Variants in ASB5 observed in about 807,000 individuals in gnomAD.
ASB5 encodes ankyrin repeat and SOCS box containing 5, also known as ankyrin repeat and SOCS box protein 5.
A neutral mutation model predicts 42.1 loss-of-function variants in ASB5; 45 were observed. That is an observed-to-expected ratio of 1.07 (90% confidence interval 0.84 to 1.37). The LOEUF (loss-of-function observed/expected upper bound fraction) is 1.37. Among genes scored for constraint, ASB5 ranks in the 40% most tolerant of loss-of-function variants. ASB5 has a pLI of 0.00. For synonymous variants in ASB5, 147 were observed against 150.6 expected (o/e 0.98, Z 0.18); for missense variants, 402 against 399.8 (o/e 1.01, Z -0.05).
chr4:176,263,116 C>CT (rs1754294491), intron 1 of ASB5, among the ~76,000 whole-genome samples: 1 of 152,070 alleles, frequency 6.6e-6, no homozygotes, highest in Admixed American at 6.5e-5. Context: ...CTATTAGTTT[C>CT]GGAGAGTTCT....
chr4:176,242,379 T>TGCTCTTGG (rs1194498534), intron 1 of ASB5, among the ~76,000 whole-genome samples: 2 of 152,216 alleles, frequency 1.3e-5, no homozygotes, highest in African/African-American at 4.8e-5. Flanking sequence ...TAAAATTATC[T>TGCTCTTGG]GCTCTTGGAG....
Position 176,269,143 on chromosome 4 carries a change from A to C in ASB5, c.-35T>G. ...AGAATCTGCGGCGGTCTTTAGTTGG[A>C]TCCAAGTCTCAAATGTGCCTGGCTC... On this transcript the variant is annotated 5_prime_UTR_variant, in exon 1 of 7. Coordinates refer to ENST00000296525, the MANE Select transcript of ASB5 (RefSeq NM_080874.4). The C allele has an allele frequency of 6.3e-7, 1 of 1,584,276 alleles. No individual in the cohort carries two copies. The highest frequency in any genetic ancestry group is 8.6e-7 in the Non-Finnish European group (1 of 1,162,070).
At chr4:176,238,082 C>A (rs1753729460) in intron 1 of ASB5, among the ~76,000 whole-genome samples, 1 of 151,830 alleles carries the variant, frequency 6.6e-6, no homozygotes, top group Non-Finnish European at 1.5e-5. Flanking sequence ...ATTAGCTGGA[C>A]ATAGGGACGG....
At position 176,269,172 on chromosome 4, in the gene ASB5, T is replaced by A. The variant is rs530535530; in HGVS notation, c.-64A>T. ...AAGTCTCAAATGTGCCTGGCTCTCG[T>A]CCGGGATGCTCCTGAACAGCTGGTC... On this transcript the variant is annotated 5_prime_UTR_variant, in exon 1 of 7. Transcript: ENST00000296525. 3.6e-5 allele frequency: 53 copies of A among 1,461,946 alleles called. No individual in the cohort carries two copies. The East Asian group carries it at 1.2e-3, about 32-fold the overall frequency. The allele number at this position is 1,461,946 out of a possible 1,614,324, so 90.6% of individuals were successfully genotyped here.
chr4:176,230,004 G>A (rs756733861), intron 1 of ASB5, among the ~76,000 whole-genome samples: 1 of 152,140 alleles, frequency 6.6e-6, no homozygotes, highest in Non-Finnish European at 1.5e-5. Flanking sequence ...AAAGCTGAGG[G>A]GCTGGGCAGG....
intron 5 of ASB5, among the ~76,000 whole-genome samples, chr4:176,220,113 C>T (rs1156517198): frequency 1.3e-5 from 2 of 152,150 alleles, no homozygotes; most frequent in African/African-American, 4.8e-5. Flanking sequence ...CATCCTGGGC[C>T]GCATGGGGCC....
intron 1 of ASB5, among the ~76,000 whole-genome samples, chr4:176,245,971 A>C (rs2062136): frequency 0.74 from 111,689 of 151,690 alleles, 41,397 homozygotes; most frequent in African/African-American, 0.83. Flanking sequence ...GGGTGCAGCA[A>C]ACCAACATGG....
intron 5 of ASB5, among the ~76,000 whole-genome samples, chr4:176,219,533 AAT>A (rs1283385552): frequency 6.4e-5 from 3 of 47,206 alleles, no homozygotes; most frequent in South Asian, 6.5e-4. Context: ...ATGATATATA[AAT>A]ATATATATGT....
Position 176,215,709 on chromosome 4 carries a change from T to C in ASB5, c.881A>G (p.Tyr294Cys). Residue 294 changes from tyrosine to cysteine, a missense_variant, in exon 7 of 7, where the codon TAC becomes TGC. Physicochemically the swap from Tyr to Cys is radical, Grantham distance 194. Coordinates refer to ENST00000296525, the MANE Select transcript of ASB5 (RefSeq NM_080874.4). ...LQHEATPSSL[Y>C]QLCRLCIRSY... ...TCGGATACAGAGTCGGCAAAGTTGGTAAAGAGAGCTTGGGGTAGCTACAAG... is the reference window on the plus strand; with the variant it reads ...TCGGATACAGAGTCGGCAAAGTTGGCAAAGAGAGCTTGGGGTAGCTACAAG... The C allele has an allele frequency of 1.2e-6, 2 of 1,612,564 alleles. No individual in the cohort carries two copies. The highest frequency in any genetic ancestry group is 1.7e-6 in the Non-Finnish European group (2 of 1,179,236).
chr4:176,262,443 T>C (rs1461134314), intron 1 of ASB5, among the ~76,000 whole-genome samples: 2 of 152,172 alleles, frequency 1.3e-5, no homozygotes, highest in African/African-American at 4.8e-5. Flanking sequence ...TTGGCAAGTT[T>C]TTGAGCATTG....
chr4:176,232,025 G>A (rs1753559110), intron 1 of ASB5, among the ~76,000 whole-genome samples: 1 of 151,902 alleles, frequency 6.6e-6, no homozygotes, highest in African/African-American at 2.4e-5. Context: ...TAATTATAAG[G>A]AGAGGGAATA....
chr4:176,272,941 CTT>C (rs60310080), upstream of ASB5, among the ~76,000 whole-genome samples: 19,202 of 110,806 alleles, frequency 0.17, 1,381 homozygotes, highest in Middle Eastern at 0.29. Context: ...CTTCGATGAC[CTT>C]TTTTTTTTTT....
At chr4:176,241,728 A>C (rs960796792) in intron 1 of ASB5, 33 of 1,198,112 alleles carry the variant, frequency 2.8e-5, no homozygotes, top group Middle Eastern at 2.4e-4. Flanking sequence ...TTGGAAAAAA[A>C]ATTGAGCAGT....
intron 5 of ASB5, among the ~76,000 whole-genome samples, chr4:176,219,083 ATTTG>A (rs1753086518): frequency 2.3e-5 from 1 of 43,608 alleles, no homozygotes; most frequent in African/African-American, 1.1e-4. Flanking sequence ...ATATATATAT[ATTTG>A]TATGATATAT....
chr4:176,252,196 C>A (rs1413070395), intron 1 of ASB5, among the ~76,000 whole-genome samples: 2 of 150,960 alleles, frequency 1.3e-5, no homozygotes, highest in Non-Finnish European at 1.5e-5. Context: ...GGAAAAGGGA[C>A]AATATGTCTG....
chr4:176,238,678 C>G (rs1753747251), intron 1 of ASB5, among the ~76,000 whole-genome samples: 1 of 151,968 alleles, frequency 6.6e-6, no homozygotes, highest in Non-Finnish European at 1.5e-5. Flanking sequence ...ATTTTTAAGG[C>G]TCTACCTTCT....
chr4:176,228,823 C>G (rs1753447567), intron 1 of ASB5, among the ~76,000 whole-genome samples: 1 of 152,130 alleles, frequency 6.6e-6, no homozygotes. Context: ...AAGCATTTTG[C>G]CAGTTCCGGC....
intron 1 of ASB5, 22 bp downstream of exon 1, chr4:176,268,889 AAG>A: frequency 6.5e-7 from 1 of 1,531,968 alleles, no homozygotes; most frequent in Non-Finnish European, 8.8e-7. Context: ...CACTTGAAAC[AAG>A]AGAGGATTAT....
intron 1 of ASB5, 37 bp downstream of exon 1, chr4:176,268,876 C>T (rs753624820): frequency 7.5e-6 from 11 of 1,462,526 alleles, no homozygotes; most frequent in South Asian, 5.8e-5. Flanking sequence ...GAAAGTTAAA[C>T]TCCACTTGAA....
Sources: allele counts gnomAD v4.1 joint callset (sites outside exome capture counted in the v4.1 genomes callset), GRCh38; gene constraint gnomAD v4.1.1; transcripts MANE v1.5; gene names NCBI Gene and HGNC (gene_info 2026-07-23, HGNC 2026-07-21).